The following ARID1B variants were observed in gnomAD, a reference collection of about 807,000 sequenced individuals.
The protein encoded by ARID1B is AT-rich interactive domain-containing protein 1B.
ARID1B carries 30 observed loss-of-function variants against 212.3 expected under a neutral mutation model. The observed-to-expected ratio is 0.14, with a 90% CI of 0.11 to 0.19. ARID1B has a LOEUF of 0.19. Among genes scored for constraint, ARID1B ranks in the 10% least tolerant of loss-of-function variants. ARID1B has a pLI of 1.00. For synonymous variants in ARID1B, 1,402 were observed against 1,301.7 expected, an observed-to-expected ratio of 1.08 and a Z score of -1.66; for missense variants, 2,891 against 3,204.0, an observed-to-expected ratio of 0.90 and a Z score of 2.36.
intron 5 of ARID1B, among the ~76,000 whole-genome samples, chr6:157,109,088 C>T (rs1350981594): frequency 1.3e-5 from 2 of 152,146 alleles, no homozygotes; most frequent in Admixed American, 6.5e-5. Flanking sequence ...ACAGATACCC[C>T]GTGATTAGAC....
In ARID1B at chr6:157,078,704, T is replaced by C. The variant is rs548684796; in HGVS notation, c.2248-5958T>C. Among the ~76,000 whole-genome samples the C allele has an allele frequency of 3.1e-4, 47 of 152,346 alleles. No homozygotes were observed. The East Asian group carries it at 5.6e-3, about 18-fold the overall frequency. On this transcript the variant is annotated intron_variant, in intron 4 of 19. Coordinates refer to ENST00000636930, the MANE Select transcript of ARID1B (RefSeq NM_001374828.1). ...CTTTGAGAACAGCTTTTATTTTAGA[T>C]GCTGATTTTTAAATACCAAAGAAAA...
chr6:156,976,230 G>C (rs1777239379), intron 4 of ARID1B: 1 of 154,536 alleles, frequency 6.5e-6, no homozygotes, highest in Admixed American at 6.5e-5. Flanking sequence ...TATATGTGCA[G>C]GTCACAGGGG....
At chr6:156,923,891 T>C (rs1190329449) in intron 3 of ARID1B, among the ~76,000 whole-genome samples, 1 of 151,842 alleles carries the variant, frequency 6.6e-6, no homozygotes. Context: ...TAGAGACAGG[T>C]TTCACCGCGT....
At position 157,201,392 on chromosome 6, in the gene ARID1B, C is replaced by G. The variant is rs775920998; in HGVS notation, c.5167C>G (p.Pro1723Ala). The G allele has an allele frequency of 6.3e-7, 1 of 1,599,004 alleles. No homozygotes were observed. The highest frequency in any genetic ancestry group is 1.7e-5 in the Admixed American group (1 of 59,060). Residue 1723 changes from proline (P) to alanine (A), a missense_variant, in exon 18 of 20, where the codon CCC becomes GCC. By Grantham distance (27) the Pro-to-Ala change is conservative. Around this residue, in one of 7 missense-constraint regions of ARID1B, gnomAD observed 666 missense variants for 873.5 expected, o/e 0.76. Transcript: ENST00000636930. The surrounding 1 kb of genome is among the most constrained non-coding windows in gnomAD (Gnocchi z 5.2). ...SQVTGPPPQPPPIRREITFPP... is the reference protein window; with the variant it reads ...SQVTGPPPQPAPIRREITFPP... ...GGTCACCGGGCCACCACCCCAACCA[C>G]CCCCAATCAGAAGGGAGATCACCTT...
At chr6:156,846,506 C>T (rs896438820) in intron 2 of ARID1B, among the ~76,000 whole-genome samples, 13 of 152,038 alleles carry the variant, frequency 8.6e-5, no homozygotes, top group Non-Finnish European at 1.9e-4. Flanking sequence ...GCTTTCTGCA[C>T]ATCTGTAACA....
At position 157,115,519 on chromosome 6, in the gene ARID1B, C is replaced by T. The variant is rs1437836292; in HGVS notation, c.2581+4958C>T. Among the ~76,000 whole-genome samples the T allele has an allele frequency of 4.6e-5, 7 of 152,152 alleles. No homozygotes were observed. In the South Asian group the frequency reaches 6.2e-4, roughly 13 times the overall value. ...TCAGCTCACTGTGAGCTCCGCCTTC[C>T]GGGTTCACGCCATTCTCCTGCCTCA... On this transcript the variant is annotated intron_variant, in intron 6 of 19. Coordinates refer to ENST00000636930, the MANE Select transcript of ARID1B (RefSeq NM_001374828.1).
chr6:157,058,856 C>T (rs972404328), intron 4 of ARID1B, among the ~76,000 whole-genome samples: 5 of 152,144 alleles, frequency 3.3e-5, no homozygotes, highest in Non-Finnish European at 7.3e-5. Flanking sequence ...GAAAATACCA[C>T]GTGGTCTGGG....
chr6:157,079,132 AC>A (rs1432130396), intron 4 of ARID1B, among the ~76,000 whole-genome samples: 2 of 152,252 alleles, frequency 1.3e-5, no homozygotes, highest in East Asian at 1.9e-4. Context: ...AAAAAGCGAC[AC>A]ATGTATAACT....
chr6:156,831,967 C>T (rs1297944522), intron 2 of ARID1B, among the ~76,000 whole-genome samples: 2 of 152,144 alleles, frequency 1.3e-5, no homozygotes, highest in Non-Finnish European at 2.9e-5. Flanking sequence ...ATCTGTATTG[C>T]CTTTTTACCT....
chr6:157,166,614 A>G (rs1471454911), intron 8 of ARID1B: 1 of 153,106 alleles, frequency 6.5e-6, no homozygotes, highest in African/African-American at 2.4e-5. Context: ...TTTTTTTAAA[A>G]AACATTCCCA....
Position 156,778,720 on chromosome 6 carries a change from G to T in ARID1B, c.1040G>T (p.Gly347Val). Reference sequence around the variant, plus strand: ...GGCGGACAACAAAGCCCCGGGATGGGGATGATGCACTCCGCCTCCGCCGCC... The same window carrying T: ...GGCGGACAACAAAGCCCCGGGATGGTGATGATGCACTCCGCCTCCGCCGCC... ...QHGGQQSPGM[G>V]MMHSASAAAA... is the part of the protein sequence containing the mutation. Residue 347 changes from glycine (G) to valine (V), a missense_variant, in exon 1 of 20, where the codon GGG (glycine) becomes GTG (valine). Gly to Val is a moderately radical substitution (Grantham distance 109). This residue lies in a region of ARID1B where 1,643 missense variants were observed against 1,544.0 expected (regional missense o/e 1.06). Transcript: ENST00000636930. 1 of 1,525,092 alleles carries T rather than the reference G, an allele frequency of 6.6e-7. No homozygotes were observed. The highest frequency in any genetic ancestry group is 1.2e-5 in the South Asian group (1 of 81,978). The allele number at this position is 1,525,092 out of a possible 1,614,324, so 94.5% of individuals were successfully genotyped here. A position where few individuals can be genotyped will look rare whatever the true frequency, so the allele number is the denominator to read the frequency against.
At chr6:156,999,297 A>G (rs17087995) in intron 4 of ARID1B, among the ~76,000 whole-genome samples, 4,088 of 152,330 alleles carry the variant, frequency 0.027, 257 homozygotes, top group East Asian at 0.25. Context: ...ATAAAGCCCA[A>G]CTGTGCATAC....
In ARID1B at chr6:156,897,398, C is replaced by G. The variant is rs1035640005; in HGVS notation, c.1987-3978C>G. 2.0e-5 allele frequency among the ~76,000 whole-genome samples: 3 copies of G among 151,460 alleles called. No homozygotes were observed. The East Asian group carries it at 5.8e-4, about 29-fold the overall frequency. Reference sequence around the variant, plus strand: ...AAGCGATTTTCCTGCCTCAGCCTCCCTAGTAGCTGGGATTGCAGGTGTGTG... The same window carrying G: ...AAGCGATTTTCCTGCCTCAGCCTCCGTAGTAGCTGGGATTGCAGGTGTGTG... On this transcript the variant is annotated intron_variant, in intron 2 of 19. Transcript: ENST00000636930.
intron 4 of ARID1B, chr6:156,985,537 G>A (rs961911880): frequency 7.2e-5 from 11 of 152,164 alleles, no homozygotes; most frequent in African/African-American, 2.7e-4. Flanking sequence ...TGACATTAAC[G>A]ACCTCAGTTA....
At chr6:157,109,380 GT>G (rs1786731652) in intron 5 of ARID1B, among the ~76,000 whole-genome samples, 1 of 152,132 alleles carries the variant, frequency 6.6e-6, no homozygotes, top group African/African-American at 2.4e-5. Context: ...TCCAGCCGGG[GT>G]CCCAGGACCA....
intron 4 of ARID1B, among the ~76,000 whole-genome samples, chr6:156,944,986 G>C (rs1254354886): frequency 2.7e-5 from 4 of 146,584 alleles, no homozygotes; most frequent in East Asian, 2.0e-4. Context: ...GTAGTGGCTC[G>C]ATCTCGGCTC....
At chr6:157,061,911 T>C (rs1189130382) in intron 4 of ARID1B, among the ~76,000 whole-genome samples, 1 of 152,160 alleles carries the variant, frequency 6.6e-6, no homozygotes, top group Non-Finnish European at 1.5e-5. Context: ...CAAACGTGCA[T>C]CGTGTGGTAG....
chr6:157,145,614 G>C (rs1470633239), intron 7 of ARID1B, among the ~76,000 whole-genome samples: 1 of 152,192 alleles, frequency 6.6e-6, no homozygotes, highest in East Asian at 1.9e-4. Context: ...AACTTTATAT[G>C]TGTGAATTTA....
At chr6:157,202,750 AATATAGAT>A (rs1428649387) in intron 18 of ARID1B, among the ~76,000 whole-genome samples, 3 of 149,870 alleles carry the variant, frequency 2.0e-5, no homozygotes, top group South Asian at 2.1e-4. Context: ...GATAGATATA[AATATAGAT>A]ATATAGATAT....
Sources: gnomAD v4.1 joint callset for allele counts (sites outside exome capture counted in the v4.1 genomes callset) on GRCh38, gnomAD v4.1.1 for gene constraint, gnomAD v4.1.1 regional missense constraint, Gnocchi (gnomAD v3.1) non-coding constraint, MANE v1.5 for transcripts, NCBI Gene and HGNC (gene_info 2026-07-23, HGNC 2026-07-21) for gene names.